Variants in ZNF638 observed in about 807,000 individuals in gnomAD.
The protein encoded by ZNF638 is CTCL tumor antigen se33-1.
A neutral mutation model predicts 195.6 loss-of-function variants in ZNF638; 46 were observed. The ratio of observed to expected loss-of-function variants is 0.24; its 90% confidence interval spans 0.19 to 0.30. The LOEUF (loss-of-function observed/expected upper bound fraction) is 0.30, where lower values mean the gene tolerates loss of function less well. ZNF638 is among the 10% of genes least tolerant of loss of function. The pLI, the probability that ZNF638 is intolerant of heterozygous loss-of-function variation, is 1.00. For missense variants in ZNF638, 2,440 were observed against 2,325.3 expected (o/e 1.05, Z -1.01); for synonymous variants, 845 against 772.0 (o/e 1.09, Z -1.57).
chr2:71,400,405 TTAACC>T, intron 14 of ZNF638, 68 bp from the exon 15 acceptor site: 4 of 1,433,438 alleles, frequency 2.8e-6, no homozygotes, highest in Non-Finnish European at 3.8e-6. Flanking sequence ...TAGCTACTGT[TTAACC>T]TATTGTGGAA....
intron 17 of ZNF638, 142 bp from the exon 18 acceptor site, chr2:71,405,457 ATG>A: frequency 1.8e-6 from 1 of 564,862 alleles, no homozygotes. Context: ...TTTGGAAAGA[ATG>A]TAAATCTTGC....
chr2:71,349,183 A>G lies in ZNF638; in HGVS notation c.229A>G (p.Arg77Gly), dbSNP rs1423974670. ...QRMNVQVTQH[R>G]TDPRLTKEKL... ...AATGAATGTTCAGGTAACTCAACAC[A>G]GAACTGATCCAAGATTGACCAAAGA... Residue 77 changes from arginine to glycine, a missense_variant, in exon 2 of 28, where the codon AGA becomes GGA. Arg to Gly is a moderately radical substitution (Grantham distance 125, BLOSUM62 -2). Coordinates refer to ENST00000264447, the MANE Select transcript of ZNF638 (RefSeq NM_014497.5). The G allele has an allele frequency of 6.2e-7, 1 of 1,614,244 alleles. No homozygotes were observed. Among genetic ancestry groups the G allele is most frequent in the Non-Finnish European group, 8.5e-7 (1 of 1,180,048 alleles).
intron 1 of ZNF638, among the ~76,000 whole-genome samples, chr2:71,342,839 T>G (rs969228976): frequency 1.3e-5 from 2 of 152,194 alleles, no homozygotes; most frequent in African/African-American, 4.8e-5. Flanking sequence ...TATCAAATAG[T>G]CCTGAGGGTG....
intron 1 of ZNF638, among the ~76,000 whole-genome samples, chr2:71,337,246 G>C (rs762277358): frequency 1.3e-5 from 2 of 151,744 alleles, no homozygotes; most frequent in Non-Finnish European, 2.9e-5. Flanking sequence ...AGTGACAGGT[G>C]GTGGGGGAGT....
At chr2:71,395,786 G>A (rs1188879342) in intron 10 of ZNF638, 4 of 396,398 alleles carry the variant, frequency 1.0e-5, no homozygotes, top group East Asian at 1.2e-4. Context: ...TTCATCCGTC[G>A]CTCAGCCTGA....
intron 10 of ZNF638, among the ~76,000 whole-genome samples, chr2:71,383,560 G>GTTTGT (rs2079571507): frequency 2.6e-4 from 32 of 122,094 alleles, no homozygotes; most frequent in South Asian, 5.1e-4. Context: ...TTCCTGGGTG[G>GTTTGT]TTTTTTTTTT....
At chr2:71,363,050 A>G (rs1189788360) in intron 3 of ZNF638, 103 bp from the exon 4 acceptor site, 4 of 836,382 alleles carry the variant, frequency 4.8e-6, no homozygotes, top group Non-Finnish European at 6.0e-6. Flanking sequence ...TTTATTTCCA[A>G]TAAAAGTTGT....
chr2:71,399,262 A>G (rs979378562), intron 12 of ZNF638, among the ~76,000 whole-genome samples: 1 of 152,204 alleles, frequency 6.6e-6, no homozygotes, highest in African/African-American at 2.4e-5. Context: ...ATTCTAAAGA[A>G]TCTTTGCAGA....
At chr2:71,389,768 C>T (rs565586390) in intron 10 of ZNF638, among the ~76,000 whole-genome samples, 7 of 152,294 alleles carry the variant, frequency 4.6e-5, no homozygotes, top group South Asian at 2.1e-4. Context: ...ATTTATCAAT[C>T]GGTTAACCCA....
intron 10 of ZNF638, among the ~76,000 whole-genome samples, chr2:71,387,755 G>C (rs550218531): frequency 3.3e-5 from 5 of 152,254 alleles, no homozygotes; most frequent in African/African-American, 1.2e-4. Context: ...CTTTAAGTGT[G>C]GAGAATATTT....
intron 8 of ZNF638, among the ~76,000 whole-genome samples, chr2:71,373,769 AT>A (rs1357059028): frequency 6.6e-6 from 1 of 151,554 alleles, no homozygotes; most frequent in Non-Finnish European, 1.5e-5. Context: ...TGGCTTCTGC[AT>A]TTTTTTCTTT....
intron 1 of ZNF638, among the ~76,000 whole-genome samples, chr2:71,338,277 CT>C (rs2078705745): frequency 6.6e-6 from 1 of 152,236 alleles, no homozygotes; most frequent in African/African-American, 2.4e-5. Context: ...TGATTTTCTA[CT>C]CCAACTGTTA....
rs747798705 is a variant in ZNF638, at chr2:71,348,845, A to T, written c.-110A>T. 6.2e-7 allele frequency: 1 copy of T among 1,609,528 alleles called. No homozygotes were observed. ...CTTCTGTTGGGCCCATCTCCTTTGC[A>T]CTTTGCTCAGATTAAGACTCAGTTG... On this transcript the variant is annotated 5_prime_UTR_variant, in exon 2 of 28. Coordinates refer to ENST00000264447, the MANE Select transcript of ZNF638 (RefSeq NM_014497.5).
intron 27 of ZNF638, 88 bp downstream of exon 27, chr2:71,433,371 C>CT: frequency 2.1e-6 from 2 of 943,990 alleles, no homozygotes; most frequent in Non-Finnish European, 3.3e-6. Context: ...CATTTCCCCC[C>CT]GCTTTAGGAG....
chr2:71,398,867 T>C (rs951344875), intron 12 of ZNF638, 95 bp downstream of exon 12: 3 of 1,094,460 alleles, frequency 2.7e-6, no homozygotes, highest in Non-Finnish European at 4.0e-6. Flanking sequence ...TTGAAGAGTT[T>C]AGTAGATATT....
intron 8 of ZNF638, among the ~76,000 whole-genome samples, chr2:71,378,682 A>T (rs1487175529): frequency 6.6e-6 from 1 of 152,208 alleles, no homozygotes; most frequent in African/African-American, 2.4e-5. Flanking sequence ...AGGGGAATAG[A>T]AGTACTCTTG....
At chr2:71,388,869 T>A in intron 10 of ZNF638, 1 of 640,182 alleles carries the variant, frequency 1.6e-6, no homozygotes, top group Non-Finnish European at 2.8e-6. Flanking sequence ...AGCCTCGGTT[T>A]CACAGGCTCA....
chr2:71,424,091 C>T, intron 22 of ZNF638, 53 bp downstream of exon 22: 1 of 1,562,336 alleles, frequency 6.4e-7, no homozygotes, highest in Non-Finnish European at 8.7e-7. Flanking sequence ...ATTAGCTCCG[C>T]TGCTGTAGCT....
At chr2:71,397,105 T>C (rs1253374095) in intron 11 of ZNF638, among the ~76,000 whole-genome samples, 7 of 152,048 alleles carry the variant, frequency 4.6e-5, no homozygotes, top group Admixed American at 2.0e-4. Flanking sequence ...CTAGGAAACT[T>C]GTCTTGAAGC....
Sources: gnomAD v4.1 joint callset for allele counts (sites outside exome capture counted in the v4.1 genomes callset) on GRCh38, gnomAD v4.1.1 for gene constraint, MANE v1.5 for transcripts, NCBI Gene and HGNC (gene_info 2026-07-23, HGNC 2026-07-21) for gene names.